The following DPP6 variants were observed in gnomAD, a reference collection of about 807,000 sequenced individuals.
DPP6 encodes A-type potassium channel modulatory protein DPP6.
Under a neutral mutation model 122.6 loss-of-function variants are expected in DPP6, and 69 were observed. The observed-to-expected ratio is 0.56, with a 90% CI of 0.46 to 0.69. DPP6 has a LOEUF of 0.69. Among genes scored for constraint, DPP6 ranks in the 30% least tolerant of loss-of-function variants. The probability of loss-of-function intolerance (pLI) is 0.00; values close to 1 mark genes in which losing one functional copy is unlikely to be tolerated. For synonymous variants in DPP6, 418 were observed against 433.1 expected (o/e 0.97, Z 0.43); for missense variants, 928 against 1,116.9 (o/e 0.83, Z 2.41).
chr7:154,257,161 CA>C (rs915990632), intron 1 of DPP6, among the ~76,000 whole-genome samples: 2 of 151,842 alleles, frequency 1.3e-5, no homozygotes, highest in African/African-American at 4.8e-5. Flanking sequence ...TTTTTAAAAA[CA>C]TTTTTTTGTA....
chr7:154,033,449 T>A (rs1799360789), intron 1 of DPP6, among the ~76,000 whole-genome samples: 1 of 152,254 alleles, frequency 6.6e-6, no homozygotes, highest in Non-Finnish European at 1.5e-5. Flanking sequence ...CTGAATCGTT[T>A]CCAAGTCCCC....
intron 1 of DPP6, among the ~76,000 whole-genome samples, chr7:154,076,958 C>T (rs1252843464): frequency 4.6e-5 from 7 of 152,112 alleles, no homozygotes; most frequent in Non-Finnish European, 7.4e-5. Context: ...CCACAGATTC[C>T]TCCCTCCAGG....
At chr7:154,632,251 C>T (rs1835450347) in intron 5 of DPP6, among the ~76,000 whole-genome samples, 1 of 152,138 alleles carries the variant, frequency 6.6e-6, no homozygotes, top group Admixed American at 6.5e-5. Context: ...GAACTTAAAA[C>T]ATGTAAGGAG....
At chr7:154,546,454 G>A (rs975920009) in intron 4 of DPP6, among the ~76,000 whole-genome samples, 2 of 149,738 alleles carry the variant, frequency 1.3e-5, no homozygotes, top group Non-Finnish European at 3.0e-5. Flanking sequence ...GACAGTTCCC[G>A]GAAATTCTTG....
chr7:153,959,782 T>C (rs996058915), intron 1 of DPP6, among the ~76,000 whole-genome samples: 5 of 152,278 alleles, frequency 3.3e-5, no homozygotes, highest in African/African-American at 1.2e-4. Flanking sequence ...TTATCATTCA[T>C]GTGTTCACTG....
chr7:153,915,794 CAATG>C (rs1374338488), intron 1 of DPP6, among the ~76,000 whole-genome samples: 10 of 152,020 alleles, frequency 6.6e-5, no homozygotes, highest in African/African-American at 2.4e-4. Flanking sequence ...GGTAGAGAGA[CAATG>C]AATCAGCATT....
intron 8 of DPP6, among the ~76,000 whole-genome samples, chr7:154,749,822 G>A (rs1379156044): frequency 1.6e-5 from 2 of 121,220 alleles, no homozygotes; most frequent in Non-Finnish European, 3.5e-5. Flanking sequence ...AGGCTTTACT[G>A]TGAGAGTGTG....
the DPP6 span, among the ~76,000 whole-genome samples, chr7:153,748,922 A>G: frequency 6.6e-6 from 1 of 151,220 alleles, no homozygotes; most frequent in Admixed American, 6.6e-5. Flanking sequence ...AAGGTAGAGA[A>G]TCTGGGCCCC....
chr7:154,262,269 T>G (rs1033878395), intron 1 of DPP6, among the ~76,000 whole-genome samples: 1 of 152,132 alleles, frequency 6.6e-6, no homozygotes, highest in South Asian at 2.1e-4. Flanking sequence ...GAAGAGCTAA[T>G]TGGTTGTGAG....
intron 1 of DPP6, among the ~76,000 whole-genome samples, chr7:153,890,266 C>A (rs6956403): frequency 5.9e-5 from 9 of 152,188 alleles, no homozygotes; most frequent in Admixed American, 2.6e-4. Context: ...TGTCTGGACT[C>A]GCATTTGAGG....
chr7:154,669,914 C>T (rs1838448793), intron 7 of DPP6, among the ~76,000 whole-genome samples: 1 of 152,008 alleles, frequency 6.6e-6, no homozygotes, highest in Non-Finnish European at 1.5e-5. Flanking sequence ...GGCTGGGGTG[C>T]AGTGGCACGA....
At chr7:154,422,044 G>C (rs539703430) in intron 1 of DPP6, among the ~76,000 whole-genome samples, 2 of 152,340 alleles carry the variant, frequency 1.3e-5, no homozygotes, top group Non-Finnish European at 2.9e-5. Context: ...GATTAGAATC[G>C]CAAGAAGTTG....
At chr7:154,539,116 T>C (rs1263923868) in intron 3 of DPP6, among the ~76,000 whole-genome samples, 2 of 152,238 alleles carry the variant, frequency 1.3e-5, no homozygotes, top group Admixed American at 6.5e-5. Context: ...TCAACTATTA[T>C]AGTGTGAAAT....
chr7:154,393,881 A>G (rs918443030), intron 1 of DPP6, among the ~76,000 whole-genome samples: 5 of 152,146 alleles, frequency 3.3e-5, no homozygotes, highest in African/African-American at 1.2e-4. Context: ...AGTACCTTGT[A>G]TAAGAGGAAT....
intron 1 of DPP6, among the ~76,000 whole-genome samples, chr7:154,215,382 G>A (rs1360699861): frequency 6.6e-6 from 1 of 152,152 alleles, no homozygotes; most frequent in Non-Finnish European, 1.5e-5. Context: ...TTTGGGTGGG[G>A]ACACAGAGCC....
In DPP6 at chr7:154,483,072, T is replaced by C. The variant is rs986033896; in HGVS notation, c.457+8035T>C. On this transcript the variant is annotated intron_variant, in intron 3 of 25. Coordinates refer to ENST00000377770, the MANE Select transcript of DPP6 (RefSeq NM_130797.4). The surrounding 1 kb of genome is among the most constrained non-coding windows in gnomAD (Gnocchi z 8.1). ...CCATGGAAAGCGTGGGTTGTGGAGGTACTGCTCAGAGCCTCTCGGAGGGAA... is the reference window on the plus strand; with the variant it reads ...CCATGGAAAGCGTGGGTTGTGGAGGCACTGCTCAGAGCCTCTCGGAGGGAA... 5.9e-5 allele frequency among the ~76,000 whole-genome samples: 9 copies of C among 151,776 alleles called. No homozygotes were observed. The highest frequency in any genetic ancestry group is 1.3e-4 in the Non-Finnish European group (9 of 67,912).
intron 10 of DPP6, among the ~76,000 whole-genome samples, chr7:154,776,310 C>A (rs1470998341): frequency 3.3e-5 from 5 of 151,994 alleles, no homozygotes; most frequent in Non-Finnish European, 7.4e-5. Context: ...TTCTATCCCC[C>A]CTCACATCGG....
chr7:154,692,579 A>G (rs1839990848), intron 7 of DPP6, among the ~76,000 whole-genome samples: 1 of 152,144 alleles, frequency 6.6e-6, no homozygotes, highest in Admixed American at 6.5e-5. Context: ...TCAAGAAGCA[A>G]CAAGGTGTTG....
At chr7:154,587,552 C>T (rs2130709159) in intron 5 of DPP6, 3 of 1,362,282 alleles carry the variant, frequency 2.2e-6, no homozygotes, top group Admixed American at 2.5e-5. Context: ...ATTTTTGTTT[C>T]TCGATCCCCA....
Sources: allele counts gnomAD v4.1 joint callset (sites outside exome capture counted in the v4.1 genomes callset), GRCh38; gene constraint gnomAD v4.1.1; non-coding constraint Gnocchi (gnomAD v3.1); transcripts MANE v1.5; gene names NCBI Gene and HGNC (gene_info 2026-07-23, HGNC 2026-07-21).